The following KCNK13 variants were observed in gnomAD, a reference collection of about 807,000 sequenced individuals.
KCNK13 encodes the protein potassium two pore domain channel subfamily K member 13, also known as potassium channel subfamily K member 13.
KCNK13 carries 12 observed loss-of-function variants against 23.4 expected under a neutral mutation model. The ratio of observed to expected loss-of-function variants is 0.51; its 90% CI spans 0.33 to 0.83. The LOEUF is 0.83. KCNK13 is among the 40% of genes least tolerant of loss of function. The pLI, the probability that KCNK13 is intolerant of heterozygous loss-of-function variation, is 0.02. For synonymous variants in KCNK13, 231 were observed against 229.5 expected (o/e 1.01, Z -0.06); for missense variants, 463 against 556.3 (o/e 0.83, Z 1.69).
chr14:90,104,689 C>G lies in KCNK13; in HGVS notation c.334+42150C>G, dbSNP rs1889521581. On this transcript the variant is annotated intron_variant, in intron 1 of 1. Transcript: ENST00000282146. Reference sequence around the variant, plus strand: ...AGATTAAGCCCAAGGGAGACGCCATCCTACCCAGGTTGGGCAAGGAAGGTG... The same window carrying G: ...AGATTAAGCCCAAGGGAGACGCCATGCTACCCAGGTTGGGCAAGGAAGGTG... 3.3e-5 allele frequency among the ~76,000 whole-genome samples: 5 copies of G among 151,208 alleles called. No individual in the cohort carries two copies. In the South Asian group the frequency reaches 1.0e-3, roughly 32 times the overall value.
intron 1 of KCNK13, among the ~76,000 whole-genome samples, chr14:90,139,993 C>T (rs1490878112): frequency 6.6e-6 from 1 of 151,996 alleles, no homozygotes; most frequent in African/African-American, 2.4e-5. Flanking sequence ...CTGCTAGGAA[C>T]GTGCACAGTG....
chr14:90,099,258 T>G (rs1021103426), intron 1 of KCNK13, among the ~76,000 whole-genome samples: 1 of 152,130 alleles, frequency 6.6e-6, no homozygotes, highest in Non-Finnish European at 1.5e-5. Context: ...CAGTTGAACT[T>G]TCACGTGAGG....
intron 1 of KCNK13, among the ~76,000 whole-genome samples, chr14:90,073,995 A>T (rs1226590343): frequency 1.4e-5 from 2 of 146,260 alleles, no homozygotes; most frequent in African/African-American, 5.1e-5. Context: ...TGTTTTTTTG[A>T]TGGGGGGACG....
At chr14:90,076,968 C>T (rs572682767) in intron 1 of KCNK13, among the ~76,000 whole-genome samples, 3 of 152,038 alleles carry the variant, frequency 2.0e-5, no homozygotes, top group South Asian at 2.1e-4. Flanking sequence ...TACAGGCATC[C>T]GCCACCACAC....
intron 1 of KCNK13, among the ~76,000 whole-genome samples, chr14:90,131,783 C>T (rs751691848): frequency 2.6e-5 from 4 of 152,174 alleles, no homozygotes; most frequent in Non-Finnish European, 5.9e-5. Flanking sequence ...AGGAAAATAG[C>T]AAATGTCAGT....
intron 1 of KCNK13, among the ~76,000 whole-genome samples, chr14:90,069,030 CTT>C (rs34881625): frequency 2.0e-4 from 18 of 90,098 alleles, no homozygotes; most frequent in African/African-American, 5.7e-4. Flanking sequence ...AGTTTTTATT[CTT>C]TTTTTTTTTT....
intron 1 of KCNK13, among the ~76,000 whole-genome samples, chr14:90,135,869 C>G (rs1213920996): frequency 1.3e-5 from 2 of 152,102 alleles, no homozygotes; most frequent in Non-Finnish European, 2.9e-5. Context: ...ATGGTGACAG[C>G]CAGGATGTTG....
At chr14:90,101,355 T>C (rs1221692111) in intron 1 of KCNK13, among the ~76,000 whole-genome samples, 1 of 151,968 alleles carries the variant, frequency 6.6e-6, no homozygotes, top group African/African-American at 2.4e-5. Flanking sequence ...CGGACCAGAG[T>C]GTTGTCCTCG....
At chr14:90,153,930 T>A (rs1890164825) in intron 1 of KCNK13, among the ~76,000 whole-genome samples, 1 of 152,200 alleles carries the variant, frequency 6.6e-6, no homozygotes, top group Admixed American at 6.5e-5. Context: ...GCCTCTGTCC[T>A]GGCGTCACCA....
chr14:90,069,170 G>A (rs908600447), intron 1 of KCNK13, among the ~76,000 whole-genome samples: 1 of 151,006 alleles, frequency 6.6e-6, no homozygotes, highest in African/African-American at 2.4e-5. Flanking sequence ...CTGAGTAGCT[G>A]GGATTACAGG....
chr14:90,078,014 C>T (rs1417717436), intron 1 of KCNK13, among the ~76,000 whole-genome samples: 1 of 152,200 alleles, frequency 6.6e-6, no homozygotes, highest in Non-Finnish European at 1.5e-5. Context: ...CCAGATGTTA[C>T]ATATCTGATA....
Position 90,062,018 on chromosome 14 carries a change from A to C in KCNK13, c.-188A>C. 1 of 401,672 alleles carries C rather than the reference A, an allele frequency of 2.5e-6. No individual in the cohort carries two copies. Among genetic ancestry groups the C allele is most frequent in the Non-Finnish European group, 4.3e-6 (1 of 230,906 alleles). The allele number at this position is 401,672 out of a possible 1,614,324, so 24.9% of individuals were successfully genotyped here. ...GGAGGACGTGGGGAGCTGGCGCCAC[A>C]GGAGCTACCGAGGCGGCGGCCGGGG... On this transcript the variant is annotated 5_prime_UTR_variant, in exon 1 of 2. Transcript: ENST00000282146. The surrounding 1 kb of genome is among the most constrained non-coding windows in gnomAD (Gnocchi z 4.5).
chr14:90,069,982 TA>T (rs951972358), intron 1 of KCNK13, among the ~76,000 whole-genome samples: 7 of 151,502 alleles, frequency 4.6e-5, no homozygotes, highest in East Asian at 1.9e-4. Context: ...TGGGAAAGTA[TA>T]AAAAAAAAGT....
intron 1 of KCNK13, among the ~76,000 whole-genome samples, chr14:90,169,177 A>G (rs1287814647): frequency 6.6e-6 from 1 of 152,240 alleles, no homozygotes; most frequent in African/African-American, 2.4e-5. Flanking sequence ...AAATACTGCA[A>G]ATAAAGATGT....
chr14:90,185,468 T>A lies in KCNK13; in HGVS notation c.*465T>A, dbSNP rs1259291286. 2 of 154,818 alleles carry A rather than the reference T, an allele frequency of 1.3e-5. No individual in the cohort carries two copies. The highest frequency in any genetic ancestry group is 4.8e-5 in the African/African-American group (2 of 41,470). The allele number at this position is 154,818 out of a possible 1,614,324, so 9.6% of individuals were successfully genotyped here. A position where few individuals can be genotyped will look rare whatever the true frequency, so the allele number is the denominator to read the frequency against. On this transcript the variant is annotated 3_prime_UTR_variant, in exon 2 of 2. Coordinates refer to ENST00000282146, the MANE Select transcript of KCNK13 (RefSeq NM_022054.4). ...GAATGTTTGGGGATGTGTCTGGGCT[T>A]TCTTTTTGCCAGGCTTCCTTCAAAG...
chr14:90,169,411 C>A (rs1395437598), intron 1 of KCNK13, among the ~76,000 whole-genome samples: 1 of 152,172 alleles, frequency 6.6e-6, no homozygotes, highest in African/African-American at 2.4e-5. Flanking sequence ...ACTATCGTCT[C>A]ACTACTACCT....
chr14:90,172,842 A>G (rs1182751089), intron 1 of KCNK13, among the ~76,000 whole-genome samples: 1 of 151,456 alleles, frequency 6.6e-6, no homozygotes, highest in African/African-American at 2.4e-5. Context: ...TGGCTAGGGT[A>G]AAAAAAAAGC....
intron 1 of KCNK13, among the ~76,000 whole-genome samples, chr14:90,096,674 T>C (rs2140403909): frequency 6.6e-6 from 1 of 152,348 alleles, no homozygotes; most frequent in Admixed American, 6.5e-5. Flanking sequence ...GGGTAGTTCA[T>C]GGAACTGCAG....
chr14:90,068,416 G>A (rs28390213), intron 1 of KCNK13, among the ~76,000 whole-genome samples: 14,642 of 151,964 alleles, frequency 0.096, 894 homozygotes, highest in African/African-American at 0.17. Context: ...CCAACATGGC[G>A]AAACCCCATC....
Sources: gnomAD v4.1 joint callset for allele counts (sites outside exome capture counted in the v4.1 genomes callset) on GRCh38, gnomAD v4.1.1 for gene constraint, Gnocchi (gnomAD v3.1) non-coding constraint, MANE v1.5 for transcripts, NCBI Gene and HGNC (gene_info 2026-07-23, HGNC 2026-07-21) for gene names.